SKAP2: variants seen among roughly 807,000 people sequenced by gnomAD.
The protein encoded by SKAP2 is src kinase-associated phosphoprotein 2.
Under a neutral mutation model 54.9 loss-of-function variants are expected in SKAP2, and 28 were observed. The ratio of observed to expected loss-of-function variants is 0.51; its 90% CI spans 0.38 to 0.70. SKAP2 has a LOEUF of 0.70. Ranked by LOEUF, SKAP2 falls within the 30% of genes least tolerant of loss-of-function variation. The pLI is 0.00. For synonymous variants in SKAP2, 137 were observed against 134.3 expected, an observed-to-expected ratio of 1.02 and a Z score of -0.14; for missense variants, 356 against 424.1, an observed-to-expected ratio of 0.84 and a Z score of 1.41.
At chr7:26,794,242 A>C (rs1783724015) in intron 4 of SKAP2, among the ~76,000 whole-genome samples, 1 of 152,206 alleles carries the variant, frequency 6.6e-6, no homozygotes, top group Non-Finnish European at 1.5e-5. Context: ...AATTTGTCTC[A>C]GTAATCCTAG....
intron 4 of SKAP2, among the ~76,000 whole-genome samples, chr7:26,803,623 T>C (rs1249876893): frequency 1.3e-5 from 2 of 152,186 alleles, no homozygotes; most frequent in African/African-American, 4.8e-5. Context: ...GCTGGATATA[T>C]GCCCAAAAGA....
intron 4 of SKAP2, among the ~76,000 whole-genome samples, chr7:26,774,752 A>AT (rs1783266707): frequency 6.6e-6 from 1 of 152,180 alleles, no homozygotes; most frequent in Non-Finnish European, 1.5e-5. Flanking sequence ...CATGGTGCTG[A>AT]TTCAAATTCT....
intron 9 of SKAP2, among the ~76,000 whole-genome samples, chr7:26,724,186 T>C (rs902726580): frequency 1.3e-5 from 2 of 152,182 alleles, no homozygotes; most frequent in African/African-American, 4.8e-5. Context: ...TTGTTAAAAT[T>C]ATTACTTTTT....
At chr7:26,727,924 G>A (rs1054575114) in intron 6 of SKAP2, among the ~76,000 whole-genome samples, 4 of 152,020 alleles carry the variant, frequency 2.6e-5, no homozygotes, top group African/African-American at 9.7e-5. Context: ...CTGAGCTCGG[G>A]GCAAATACAG....
chr7:26,677,413 A>G (rs963322489), intron 11 of SKAP2, among the ~76,000 whole-genome samples: 5 of 151,452 alleles, frequency 3.3e-5, no homozygotes, highest in East Asian at 1.9e-4. Context: ...AAAAAAAAAA[A>G]AAGAAGTGAT....
the SKAP2 span, among the ~76,000 whole-genome samples, chr7:26,656,481 T>C: frequency 2.0e-5 from 3 of 152,372 alleles, no homozygotes; most frequent in East Asian, 5.8e-4. Flanking sequence ...TGGTTTCCTC[T>C]GGTATGAGCA....
chr7:26,801,303 A>G (rs1438918238), intron 4 of SKAP2, among the ~76,000 whole-genome samples: 1 of 152,238 alleles, frequency 6.6e-6, no homozygotes, highest in Non-Finnish European at 1.5e-5. Context: ...ATAAAATTCA[A>G]CATCCCTTCA....
intron 10 of SKAP2, among the ~76,000 whole-genome samples, chr7:26,686,638 A>T (rs1786648651): frequency 6.6e-6 from 1 of 152,248 alleles, no homozygotes; most frequent in Non-Finnish European, 1.5e-5. Context: ...GATTTCCTTT[A>T]AAAACCACTT....
Position 26,690,382 on chromosome 7 carries a change from A to C in SKAP2, c.797-20T>G. Reference sequence around the variant, plus strand: ...CTTCTTCTGTAAATAAACATTATCAATGGCACATTGAAGGGTTTTCTCAGG... The same window carrying C: ...CTTCTTCTGTAAATAAACATTATCACTGGCACATTGAAGGGTTTTCTCAGG... On this transcript the variant is annotated intron_variant, in intron 9 of 12. Coordinates refer to ENST00000345317, the MANE Select transcript of SKAP2 (RefSeq NM_003930.5). The C allele has an allele frequency of 1.9e-6, 3 of 1,540,922 alleles. No individual in the cohort carries two copies. The highest frequency in any genetic ancestry group is 3.4e-4 in the Middle Eastern group (2 of 5,902).
chr7:26,792,964 A>G (rs957824289), intron 4 of SKAP2, among the ~76,000 whole-genome samples: 5 of 152,234 alleles, frequency 3.3e-5, no homozygotes, highest in Non-Finnish European at 7.3e-5. Context: ...TAATTTCATA[A>G]AAAGAATGTA....
intron 4 of SKAP2, among the ~76,000 whole-genome samples, chr7:26,793,563 A>G (rs1783712411): frequency 6.6e-6 from 1 of 152,180 alleles, no homozygotes; most frequent in African/African-American, 2.4e-5. Context: ...ATTTTGTGTG[A>G]CCTGGCAAGG....
intron 6 of SKAP2, among the ~76,000 whole-genome samples, 168 bp from the exon 7 acceptor site, chr7:26,727,174 C>G (rs1184197186): frequency 6.6e-6 from 1 of 151,986 alleles, no homozygotes; most frequent in African/African-American, 2.4e-5. Context: ...AATTCTGAAA[C>G]ATGGAAGTAT....
intron 4 of SKAP2, among the ~76,000 whole-genome samples, chr7:26,758,924 C>G (rs1239049927): frequency 6.6e-6 from 1 of 152,178 alleles, no homozygotes; most frequent in South Asian, 2.1e-4. Context: ...GATTTTTGGA[C>G]GTCCACATGA....
intron 4 of SKAP2, among the ~76,000 whole-genome samples, chr7:26,820,277 T>C (rs961173158): frequency 2.0e-5 from 3 of 152,202 alleles, no homozygotes; most frequent in Non-Finnish European, 4.4e-5. Flanking sequence ...TAAAACAGTA[T>C]CTACTAATAA....
intron 4 of SKAP2, among the ~76,000 whole-genome samples, chr7:26,840,041 T>C (rs923055374): frequency 6.6e-6 from 1 of 152,024 alleles, no homozygotes; most frequent in Non-Finnish European, 1.5e-5. Context: ...TTTTTCTTAA[T>C]CCCTGAGATT....
chr7:26,697,899 A>T (rs919302816), intron 9 of SKAP2, among the ~76,000 whole-genome samples: 2 of 152,202 alleles, frequency 1.3e-5, no homozygotes, highest in African/African-American at 4.8e-5. Context: ...TTATCCCAAA[A>T]GTATATATGC....
At chr7:26,721,396 GA>G (rs1787574322) in intron 9 of SKAP2, among the ~76,000 whole-genome samples, 2 of 152,030 alleles carry the variant, frequency 1.3e-5, no homozygotes, top group South Asian at 4.2e-4. Flanking sequence ...TAGTCTCATG[GA>G]AAAAAATTAT....
At chr7:26,862,421 A>G (rs1584432927) in intron 1 of SKAP2, among the ~76,000 whole-genome samples, 1 of 150,388 alleles carries the variant, frequency 6.6e-6, no homozygotes, top group South Asian at 2.1e-4. Flanking sequence ...AATAAAGTGT[A>G]ATCCAAATTT....
At chr7:26,822,539 T>C (rs976972465) in intron 4 of SKAP2, among the ~76,000 whole-genome samples, 4 of 152,054 alleles carry the variant, frequency 2.6e-5, no homozygotes, top group African/African-American at 9.7e-5. Context: ...TTGGGCTTCC[T>C]TATTCCCTGA....
Sources: allele counts gnomAD v4.1 joint callset (sites outside exome capture counted in the v4.1 genomes callset), GRCh38; gene constraint gnomAD v4.1.1; transcripts MANE v1.5; gene names NCBI Gene and HGNC (gene_info 2026-07-23, HGNC 2026-07-21).